Variants in ERBB4 observed in about 807,000 individuals in gnomAD.
ERBB4 encodes receptor tyrosine-protein kinase erbB-4.
ERBB4 carries 42 observed loss-of-function variants against 158.0 expected under a neutral mutation model. That is an observed-to-expected ratio of 0.27 (90% CI 0.21 to 0.34). ERBB4 has a LOEUF of 0.34. Among genes scored for constraint, ERBB4 ranks in the 10% least tolerant of loss-of-function variants. ERBB4 has a pLI of 1.00. For synonymous variants in ERBB4, 583 were observed against 558.7 expected (o/e 1.04, Z -0.61); for missense variants, 1,333 against 1,624.1 (o/e 0.82, Z 3.08).
intron 12 of ERBB4, among the ~76,000 whole-genome samples, chr2:211,683,087 T>A (rs2072420529): frequency 6.6e-6 from 1 of 151,496 alleles, no homozygotes; most frequent in Non-Finnish European, 1.5e-5. Flanking sequence ...TTTGGGTTTA[T>A]AATATAAATA....
At chr2:211,514,667 C>G (rs1559247597) in intron 20 of ERBB4, among the ~76,000 whole-genome samples, 1 of 152,138 alleles carries the variant, frequency 6.6e-6, no homozygotes. Flanking sequence ...AATCAGCTCA[C>G]AGTTTATCAA....
At chr2:212,316,725 G>T (rs759545432) in intron 1 of ERBB4, among the ~76,000 whole-genome samples, 3 of 151,456 alleles carry the variant, frequency 2.0e-5, no homozygotes, top group Non-Finnish European at 4.4e-5. Flanking sequence ...TAAAAAAAAT[G>T]GAGAGATTTT....
chr2:212,410,819 C>T (rs1241269121), intron 1 of ERBB4, among the ~76,000 whole-genome samples: 1 of 152,038 alleles, frequency 6.6e-6, no homozygotes, highest in African/African-American at 2.4e-5. Flanking sequence ...CCATGTAAGA[C>T]TCTAACATGT....
chr2:211,868,036 A>G (rs933258909), intron 3 of ERBB4, among the ~76,000 whole-genome samples: 2 of 152,238 alleles, frequency 1.3e-5, no homozygotes, highest in Non-Finnish European at 2.9e-5. Flanking sequence ...AGATTCTACT[A>G]TGATATCCAA....
rs907324993 is a variant in ERBB4 at position 212,048,743 on chromosome 2, G to A, written c.234+76009C>T. Among the ~76,000 whole-genome samples the A allele has an allele frequency of 6.6e-5, 10 of 152,170 alleles. 1 individual carries two copies. The East Asian group carries it at 1.5e-3, about 23-fold the overall frequency. On this transcript the variant is annotated intron_variant, in intron 2 of 27. Coordinates refer to ENST00000342788, the MANE Select transcript of ERBB4 (RefSeq NM_005235.3). ...GTATATTTAAATTTGGAGTTTCAGGGTGGTGACAGAGCTCCCTGAGAAGTA... is the reference window on the plus strand; with the variant it reads ...GTATATTTAAATTTGGAGTTTCAGGATGGTGACAGAGCTCCCTGAGAAGTA...
chr2:211,612,784 G>T (rs2069248100), intron 19 of ERBB4, among the ~76,000 whole-genome samples: 1 of 152,074 alleles, frequency 6.6e-6, no homozygotes, highest in Non-Finnish European at 1.5e-5. Flanking sequence ...AGCTGAAGAA[G>T]TTGAGGGCTG....
At chr2:211,531,495 A>G (rs1235846890) in intron 20 of ERBB4, among the ~76,000 whole-genome samples, 2 of 152,166 alleles carry the variant, frequency 1.3e-5, no homozygotes, top group East Asian at 3.9e-4. Flanking sequence ...AAAAATGGGC[A>G]ATAGATCTGA....
chr2:212,229,898 G>C (rs894603911), intron 1 of ERBB4, among the ~76,000 whole-genome samples: 1 of 152,144 alleles, frequency 6.6e-6, no homozygotes, highest in Non-Finnish European at 1.5e-5. Flanking sequence ...AGAATGTAGA[G>C]AAAGAAGGAA....
intron 1 of ERBB4, among the ~76,000 whole-genome samples, chr2:212,216,145 G>A (rs561380766): frequency 3.3e-5 from 5 of 151,378 alleles, no homozygotes; most frequent in South Asian, 4.1e-4. Flanking sequence ...ATGGATCTTC[G>A]ATAGATATAG....
In ERBB4 at chr2:212,032,950, A is replaced by G. The variant is rs1263055801; in HGVS notation, c.235-85334T>C. ...AAATGAAGGAAGAAAGACTGGACCA[A>G]AAAAACCCAAAACAAAATAAAACAA... On this transcript the variant is annotated intron_variant, in intron 2 of 27. Transcript: ENST00000342788. Among the ~76,000 whole-genome samples the G allele has an allele frequency of 9.2e-5, 14 of 152,122 alleles. No homozygotes were observed. The East Asian group carries it at 2.5e-3, about 27-fold the overall frequency.
chr2:211,959,488 GA>G lies in ERBB4; in HGVS notation c.235-11873del, dbSNP rs972434868. Among the ~76,000 whole-genome samples the G allele has an allele frequency of 2.4e-3, 356 of 149,908 alleles. 7 individuals are homozygous for G. The highest frequency in any genetic ancestry group is 1.0e-3 in the Non-Finnish European group (67 of 67,276). On this transcript the variant is annotated intron_variant, in intron 2 of 27. Transcript: ENST00000342788. ...TCATACATTGGCACCTTCCATTTTG[GA>G]AAAAAAAATGCATTTTTCTTTTGAC...
intron 20 of ERBB4, among the ~76,000 whole-genome samples, chr2:211,498,098 C>T (rs1356107588): frequency 6.6e-6 from 1 of 152,044 alleles, no homozygotes; most frequent in African/African-American, 2.4e-5. Flanking sequence ...ACATGAAACC[C>T]TTCTCATTCC....
chr2:211,592,616 C>T (rs913225957), intron 19 of ERBB4, among the ~76,000 whole-genome samples: 1 of 152,026 alleles, frequency 6.6e-6, no homozygotes, highest in Non-Finnish European at 1.5e-5. Context: ...CAGCTGTAAG[C>T]AGTTAAACTA....
At chr2:211,503,842 C>T (rs1428765133) in intron 20 of ERBB4, among the ~76,000 whole-genome samples, 1 of 152,090 alleles carries the variant, frequency 6.6e-6, no homozygotes, top group Non-Finnish European at 1.5e-5. Flanking sequence ...CTGGGAGGAA[C>T]CCTCAGACCC....
intron 1 of ERBB4, among the ~76,000 whole-genome samples, chr2:212,478,358 T>A (rs1689511494): frequency 6.6e-6 from 1 of 152,060 alleles, no homozygotes; most frequent in African/African-American, 2.4e-5. Context: ...GAAAGGTGAA[T>A]TAGTACAACT....
chr2:212,399,536 T>TTATTTATATATATATA (rs2091129986), intron 1 of ERBB4, among the ~76,000 whole-genome samples: 1 of 20,794 alleles, frequency 4.8e-5, no homozygotes, highest in African/African-American at 1.9e-4. Flanking sequence ...GATATATATT[T>TTATTTATATATATATA]TATATATACA....
intron 1 of ERBB4, among the ~76,000 whole-genome samples, chr2:212,513,322 C>G (rs1047430448): frequency 2.6e-5 from 4 of 152,110 alleles, no homozygotes; most frequent in Admixed American, 2.6e-4. Flanking sequence ...TCCTAAAATA[C>G]TGAGATGATA....
At chr2:212,235,433 G>T (rs2083830279) in intron 1 of ERBB4, among the ~76,000 whole-genome samples, 2 of 152,028 alleles carry the variant, frequency 1.3e-5, no homozygotes, top group South Asian at 4.1e-4. Flanking sequence ...TTTTGCACAG[G>T]ATCCTCTTGG....
intron 2 of ERBB4, among the ~76,000 whole-genome samples, chr2:212,084,635 T>G (rs145568308): frequency 6.6e-6 from 1 of 152,064 alleles, no homozygotes; most frequent in East Asian, 1.9e-4. Flanking sequence ...TGAAGTGAGA[T>G]AGTCGTAGGT....
Sources: gnomAD v4.1 joint callset for allele counts (sites outside exome capture counted in the v4.1 genomes callset) on GRCh38, gnomAD v4.1.1 for gene constraint, MANE v1.5 for transcripts, NCBI Gene and HGNC (gene_info 2026-07-23, HGNC 2026-07-21) for gene names.